FGF13: variants seen among roughly 807,000 people sequenced by gnomAD.
The protein encoded by FGF13 is fibroblast growth factor homologous factor 2.
Under a neutral mutation model 19.5 loss-of-function variants are expected in FGF13, and 2 were observed. The observed-to-expected ratio is 0.10, with a 90% CI of 0.04 to 0.32. The LOEUF (loss-of-function observed/expected upper bound fraction) is 0.32. Ranked by LOEUF, FGF13 falls within the 10% of genes least tolerant of loss-of-function variation. The pLI is 1.00. For missense variants in FGF13, 113 were observed against 192.7 expected, an observed-to-expected ratio of 0.59 and a Z score of 2.45; for synonymous variants, 72 against 76.9, an observed-to-expected ratio of 0.94 and a Z score of 0.33.
chrX:138,916,954 C>T (rs1306743491), intron 1 of FGF13, among the ~76,000 whole-genome samples: 8 of 110,966 alleles, frequency 7.2e-5, no homozygotes, highest in Admixed American at 3.8e-4. Context: ...GGAGGGAGCA[C>T]GAGTGAAGGG....
intron 1 of FGF13, among the ~76,000 whole-genome samples, chrX:139,028,688 A>AGT (rs781223523): frequency 0.51 from 40,861 of 79,979 alleles, 9,180 homozygotes; most frequent in Non-Finnish European, 0.62. Flanking sequence ...TGTGAAAGAC[A>AGT]GTGTGTGTGT....
chrX:138,862,877 G>C (rs929569198), intron 2 of FGF13, among the ~76,000 whole-genome samples: 1 of 111,527 alleles, frequency 9.0e-6, no homozygotes, highest in African/African-American at 3.3e-5. Flanking sequence ...GCATTACTAG[G>C]TCTTCATCCA....
chrX:139,095,657 T>C (rs1423686031), intron 1 of FGF13, among the ~76,000 whole-genome samples: 3 of 112,098 alleles, frequency 2.7e-5, no homozygotes, highest in Non-Finnish European at 5.6e-5. Context: ...ACCCAGCTCT[T>C]TGATTTGGTG....
At chrX:139,117,784 C>T (rs1172877456) in intron 1 of FGF13, among the ~76,000 whole-genome samples, 1 of 111,914 alleles carries the variant, frequency 8.9e-6, no homozygotes, top group Non-Finnish European at 1.9e-5. Flanking sequence ...TAATACCTCC[C>T]TGTTGCTCAG....
At chrX:139,154,141 C>A (rs1413044578) in intron 1 of FGF13, among the ~76,000 whole-genome samples, 1 of 111,735 alleles carries the variant, frequency 8.9e-6, no homozygotes, top group Non-Finnish European at 1.9e-5. Flanking sequence ...AAATCTAACA[C>A]CCCATGACTA....
At chrX:138,919,421 C>T (rs1285292507) in intron 1 of FGF13, among the ~76,000 whole-genome samples, 1 of 111,586 alleles carries the variant, frequency 9.0e-6, no homozygotes, top group Non-Finnish European at 1.9e-5. Context: ...TTTGGCAGTG[C>T]CTTTCAAAAC....
intron 1 of FGF13, among the ~76,000 whole-genome samples, chrX:139,007,840 G>A (rs1348278250): frequency 8.9e-6 from 1 of 112,319 alleles, no homozygotes; most frequent in Non-Finnish European, 1.9e-5. Flanking sequence ...TGCAGGCTCC[G>A]TGAAACACCG....
At chrX:139,181,759 T>C (rs746320242) in intron 1 of FGF13, among the ~76,000 whole-genome samples, 1 of 112,136 alleles carries the variant, frequency 8.9e-6, no homozygotes, top group Admixed American at 9.5e-5. Flanking sequence ...ATTCAGAAAC[T>C]GACTGATATA....
chrX:138,760,011 C>CT (rs1420422553), intron 3 of FGF13, among the ~76,000 whole-genome samples: 1 of 111,149 alleles, frequency 9.0e-6, no homozygotes, highest in African/African-American at 3.3e-5. Context: ...CTATGCATGC[C>CT]TTGTTGGGGT....
intron 1 of FGF13, among the ~76,000 whole-genome samples, chrX:139,063,846 G>T (rs766200150): frequency 9.9e-5 from 11 of 111,399 alleles, no homozygotes; most frequent in Non-Finnish European, 1.9e-4. Flanking sequence ...CTGTATACAG[G>T]TCCATTGGAT....
At chrX:139,071,651 C>G (rs1228343022) in intron 1 of FGF13, among the ~76,000 whole-genome samples, 1 of 111,596 alleles carries the variant, frequency 9.0e-6, no homozygotes, top group East Asian at 2.8e-4. Flanking sequence ...ATTTCCATTA[C>G]AGTCCACCCT....
intron 1 of FGF13, among the ~76,000 whole-genome samples, chrX:139,095,800 G>A (rs73566175): frequency 0.015 from 1,690 of 111,990 alleles, 42 homozygotes; most frequent in African/African-American, 0.052. Flanking sequence ...TGTCCTGCCT[G>A]TATATCTGCT....
chrX:138,965,772 A>G (rs1366417538), intron 1 of FGF13, among the ~76,000 whole-genome samples: 3 of 112,121 alleles, frequency 2.7e-5, no homozygotes, highest in African/African-American at 9.7e-5. Flanking sequence ...GGCCTGTGCG[A>G]CTACACAGGC....
chrX:139,198,721 C>A (rs945758564), intron 1 of FGF13, among the ~76,000 whole-genome samples: 1 of 110,886 alleles, frequency 9.0e-6, no homozygotes, highest in Admixed American at 9.6e-5. Context: ...TTTCTAATAA[C>A]CCCTCCCCCA....
chrX:138,875,071 C>G (rs1214839748), intron 1 of FGF13, among the ~76,000 whole-genome samples: 1 of 109,358 alleles, frequency 9.1e-6, no homozygotes, highest in African/African-American at 3.3e-5. Flanking sequence ...GAAACCCCGT[C>G]TCTACTAAAA....
At chrX:138,971,169 T>G in intron 1 of FGF13, among the ~76,000 whole-genome samples, 1 of 111,858 alleles carries the variant, frequency 8.9e-6, no homozygotes, top group Non-Finnish European at 1.9e-5. Flanking sequence ...CAAAAATAGA[T>G]TGAATTCCTG....
chrX:138,835,459 G>C (rs2124097527), intron 3 of FGF13, among the ~76,000 whole-genome samples: 1 of 111,514 alleles, frequency 9.0e-6, no homozygotes, highest in South Asian at 3.8e-4. Context: ...AGTCTGTTTT[G>C]TCAGAAACTA....
At chrX:139,122,870 T>G (rs11095771) in intron 1 of FGF13, among the ~76,000 whole-genome samples, 30,193 of 110,226 alleles carry the variant, frequency 0.27, 3,659 homozygotes, top group African/African-American at 0.45. Context: ...CTAGGGTAGG[T>G]TTGTCTAACT....
At chrX:139,136,668 G>A (rs149543797) in intron 1 of FGF13, among the ~76,000 whole-genome samples, 23 of 111,935 alleles carry the variant, frequency 2.1e-4, no homozygotes, top group African/African-American at 5.8e-4. Context: ...GTAAAGTCAC[G>A]TAAAACATGC....
Sources: gnomAD v4.1 joint callset for allele counts (sites outside exome capture counted in the v4.1 genomes callset) on GRCh38, gnomAD v4.1.1 for gene constraint, MANE v1.5 for transcripts, NCBI Gene and HGNC (gene_info 2026-07-23, HGNC 2026-07-21) for gene names.